PDLIM5: variants seen among roughly 807,000 people sequenced by gnomAD.
The protein encoded by PDLIM5 is PDZ and LIM domain 5.
In PDLIM5, 34 loss-of-function variants were observed where a neutral mutation model predicts 64.2. The ratio of observed to expected loss-of-function variants is 0.53; its 90% CI spans 0.40 to 0.71. PDLIM5 has a LOEUF of 0.71. Ranked by LOEUF, PDLIM5 falls within the 30% of genes least tolerant of loss-of-function variation. The probability of loss-of-function intolerance (pLI) is 0.00; values close to 1 mark genes in which losing one functional copy is unlikely to be tolerated. For missense variants in PDLIM5, 683 were observed against 733.6 expected (o/e 0.93, Z 0.80); for synonymous variants, 253 against 269.1 (o/e 0.94, Z 0.59).
chr4:94,608,003 T>C (rs1227307447), intron 7 of PDLIM5: 9 of 1,291,072 alleles, frequency 7.0e-6, no homozygotes, highest in Non-Finnish European at 7.4e-6. Context: ...TAAATGTCTT[T>C]TGTACTTTTC....
Position 94,554,611 on chromosome 4 carries a change from A to G in PDLIM5, c.249-18740A>G, listed in dbSNP as rs115464157. Among the ~76,000 whole-genome samples the G allele has an allele frequency of 5.7e-3, 863 of 152,368 alleles. 7 individuals carry two copies. Among genetic ancestry groups the G allele is most frequent in the African/African-American group, 0.02 (811 of 41,588 alleles). On this transcript the variant is annotated intron_variant, in intron 3 of 12. Coordinates refer to ENST00000317968, the MANE Select transcript of PDLIM5 (RefSeq NM_006457.5). The stretch of plus-strand genomic sequence containing the variant: ...ACACTAGCTAATAAAAGAGCTATTC[A>G]GTATACAATCACGTAATTATAATTT...
intron 3 of PDLIM5, among the ~76,000 whole-genome samples, chr4:94,570,801 C>G (rs1306086667): frequency 6.6e-6 from 1 of 152,112 alleles, no homozygotes; most frequent in Non-Finnish European, 1.5e-5. Flanking sequence ...GATGGCCATG[C>G]TGTGGGAAAC....
intron 8 of PDLIM5, among the ~76,000 whole-genome samples, chr4:94,625,225 T>C (rs1293079934): frequency 1.3e-5 from 2 of 152,206 alleles, no homozygotes; most frequent in African/African-American, 2.4e-5. Flanking sequence ...GTTTATAGCA[T>C]ATTAGAATGC....
chr4:94,457,377 T>C (rs2126074346), intron 2 of PDLIM5, among the ~76,000 whole-genome samples: 1 of 152,298 alleles, frequency 6.6e-6, no homozygotes, highest in Non-Finnish European at 1.5e-5. Context: ...CATGTGAAAA[T>C]GTGTCATGTG....
At chr4:94,616,447 A>G (rs1246318290) in intron 7 of PDLIM5, among the ~76,000 whole-genome samples, 7 of 152,210 alleles carry the variant, frequency 4.6e-5, no homozygotes, top group African/African-American at 7.2e-5. Flanking sequence ...GTTACTCGGT[A>G]CACTTAAAGT....
intron 8 of PDLIM5, among the ~76,000 whole-genome samples, chr4:94,628,384 TTTAA>T (rs1041594685): frequency 2.6e-5 from 4 of 152,184 alleles, no homozygotes; most frequent in East Asian, 1.9e-4. Flanking sequence ...AGCTAATGAC[TTTAA>T]TTGAGAGATA....
intron 2 of PDLIM5, among the ~76,000 whole-genome samples, chr4:94,477,125 A>G (rs1017820890): frequency 6.6e-6 from 1 of 152,050 alleles, no homozygotes; most frequent in African/African-American, 2.4e-5. Flanking sequence ...TTGGAAGGAG[A>G]TGAGGTGAGG....
chr4:94,653,756 A>G (rs1742013420), intron 9 of PDLIM5, among the ~76,000 whole-genome samples: 2 of 152,272 alleles, frequency 1.3e-5, no homozygotes, highest in East Asian at 3.9e-4. Flanking sequence ...AAGAGAGTGG[A>G]TCTCATTTTA....
rs555460883 is a variant in PDLIM5, at chr4:94,451,942, A to G, written c.-96A>G. 1.3e-5 allele frequency: 2 copies of G among 152,338 alleles called. No homozygotes were observed. The highest frequency in any genetic ancestry group is 2.1e-4 in the South Asian group (1 of 4,832). The allele number at this position is 152,338 out of a possible 1,614,324, so 9.4% of individuals were successfully genotyped here. The stretch of plus-strand genomic sequence containing the variant: ...GGGGACGGCGCCCTCACCGCGAGTC[A>G]CTTGTCAGCCCTTGTCTGAGGCGGA... On this transcript the variant is annotated 5_prime_UTR_variant, in exon 1 of 13. Transcript: ENST00000317968.
intron 2 of PDLIM5, among the ~76,000 whole-genome samples, chr4:94,491,808 AC>A (rs1374441744): frequency 6.6e-6 from 1 of 152,140 alleles, no homozygotes; most frequent in Non-Finnish European, 1.5e-5. Context: ...CTTATGGAGT[AC>A]AATGTGATGT....
At chr4:94,586,709 A>G (rs1225144879) in intron 7 of PDLIM5, among the ~76,000 whole-genome samples, 1 of 152,184 alleles carries the variant, frequency 6.6e-6, no homozygotes, top group Non-Finnish European at 1.5e-5. Context: ...TGCTTTGCTA[A>G]CAATACATAT....
In PDLIM5 at chr4:94,654,690, T is replaced by G. The variant is rs750695736; in HGVS notation, c.1464+50T>G. 3 of 1,189,378 alleles carry G rather than the reference T, an allele frequency of 2.5e-6. No homozygotes were observed. In the Admixed American group the frequency reaches 6.2e-5, roughly 25 times the overall value. The allele number at this position is 1,189,378 out of a possible 1,614,324, so 73.7% of individuals were successfully genotyped here. A position where few individuals can be genotyped will look rare whatever the true frequency, so the allele number is the denominator to read the frequency against. On this transcript the variant is annotated intron_variant, in intron 10 of 12. Transcript: ENST00000317968. ...CTGAATGAGTTTTAAAGTAGAATAA[T>G]TTTTTGATATGAAAGTCTTCTATCA...
In PDLIM5 at chr4:94,657,432, C is replaced by A; in HGVS notation, c.1470C>A (p.Val490=). 6.3e-7 allele frequency: 1 copy of A among 1,589,680 alleles called. No homozygotes were observed. The highest frequency in any genetic ancestry group is 1.1e-5 in the South Asian group (1 of 90,286). Residue 490 remains valine (V), a synonymous_variant, in exon 11 of 13, where the codon GTC becomes GTA. Coordinates refer to ENST00000317968, the MANE Select transcript of PDLIM5 (RefSeq NM_006457.5). ...CAATTACCTTTCTGTAACAGGAAGT[C>A]ATCAGTGCGTTGAAACAAACTTGGC... ...GRCQRKILGE[V]ISALKQTWHV...
intron 3 of PDLIM5, among the ~76,000 whole-genome samples, chr4:94,555,582 A>G (rs916063993): frequency 6.6e-6 from 1 of 152,144 alleles, no homozygotes; most frequent in East Asian, 1.9e-4. Flanking sequence ...TTTCATTTAA[A>G]TCTTTTATTT....
intron 2 of PDLIM5, among the ~76,000 whole-genome samples, chr4:94,472,906 A>G (rs1394160637): frequency 6.6e-6 from 1 of 152,316 alleles, no homozygotes; most frequent in African/African-American, 2.4e-5. Context: ...GGAACTAAAG[A>G]TACAGCAGTG....
chr4:94,545,871 T>C (rs141657235), intron 3 of PDLIM5, among the ~76,000 whole-genome samples: 1 of 152,338 alleles, frequency 6.6e-6, no homozygotes, highest in African/African-American at 2.4e-5. Context: ...ATATTGTTTT[T>C]TCTTGTCCTG....
At chr4:94,643,024 AG>A (rs1478824244) in intron 9 of PDLIM5, among the ~76,000 whole-genome samples, 8 of 152,130 alleles carry the variant, frequency 5.3e-5, no homozygotes, top group African/African-American at 1.9e-4. Flanking sequence ...TTTTATGTAA[AG>A]GCAAACTAAA....
At chr4:94,646,533 T>A (rs748407372) in intron 9 of PDLIM5, among the ~76,000 whole-genome samples, 2 of 152,186 alleles carry the variant, frequency 1.3e-5, no homozygotes, top group Non-Finnish European at 2.9e-5. Flanking sequence ...GTTTATAGTC[T>A]AATAAAAAAT....
chr4:94,551,118 G>A (rs570703050), intron 3 of PDLIM5, among the ~76,000 whole-genome samples: 100 of 152,196 alleles, frequency 6.6e-4, no homozygotes, highest in Non-Finnish European at 1.1e-3. Context: ...CTGGTGACAT[G>A]AAACTATTAT....
Sources: allele counts gnomAD v4.1 joint callset (sites outside exome capture counted in the v4.1 genomes callset), GRCh38; gene constraint gnomAD v4.1.1; transcripts MANE v1.5; gene names NCBI Gene and HGNC (gene_info 2026-07-23, HGNC 2026-07-21).